The following VPS37B variants were observed in gnomAD, a reference collection of about 807,000 sequenced individuals.
VPS37B encodes the protein VPS37B subunit of ESCRT-I.
A neutral mutation model predicts 21.2 loss-of-function variants in VPS37B; 11 were observed. The observed-to-expected ratio is 0.52, with a 90% CI of 0.33 to 0.86. The LOEUF (loss-of-function observed/expected upper bound fraction) is 0.86. Ranked by LOEUF, VPS37B falls within the 40% of genes least tolerant of loss-of-function variation. The probability of loss-of-function intolerance (pLI) is 0.03; values close to 1 mark genes in which losing one functional copy is unlikely to be tolerated. For synonymous variants in VPS37B, 175 were observed against 159.6 expected (o/e 1.10, Z -0.73); for missense variants, 389 against 374.8 (o/e 1.04, Z -0.31).
At chr12:122,872,567 A>G (rs1305641181) in intron 1 of VPS37B, 1 of 985,448 alleles carries the variant, frequency 1.0e-6, no homozygotes, top group Middle Eastern at 5.2e-4. Flanking sequence ...GTTTCTGGTA[A>G]GCAGTGGGGC....
In VPS37B at chr12:122,868,943, C is replaced by T. The variant is rs79744583; in HGVS notation, c.284-381G>A. Among the ~76,000 whole-genome samples, 18 of 152,276 alleles carry T rather than the reference C, an allele frequency of 1.2e-4. No homozygotes were observed. In the East Asian group the frequency reaches 2.5e-3, roughly 21 times the overall value. On this transcript the variant is annotated intron_variant, in intron 2 of 3. Transcript: ENST00000267202. This position sits in a 1 kb window ranked among gnomAD's most constrained non-coding sequence, Gnocchi z 5.5. Reference sequence around the variant, plus strand: ...AGATCCAGACACAGAACCTTTCCACCGGGCGCCCTCACGCCCACTGCACCC... The same window carrying T: ...AGATCCAGACACAGAACCTTTCCACTGGGCGCCCTCACGCCCACTGCACCC...
At position 122,870,979 on chromosome 12, in the gene VPS37B, T is replaced by C; in HGVS notation, c.194A>G (p.Gln65Arg). 2 of 1,614,234 alleles carry C rather than the reference T, an allele frequency of 1.2e-6. No homozygotes were observed. The highest frequency in any genetic ancestry group is 1.7e-6 in the Non-Finnish European group (2 of 1,180,046). ...CAAGCGTGCTTTCAACGTGTCCAGC[T>C]GGGGCTGGTACAAAAGGTTTCCTTC... ...LAEGNLLYQP[Q>R]LDTLKARLTQ... is the part of the protein sequence containing the mutation. The change falls in exon 2 of 4, where the codon CAG becomes CGG. Residue 65 changes from glutamine to arginine, a missense_variant. Physicochemically the swap from Gln to Arg is conservative, Grantham distance 43 (BLOSUM62 1). Transcript: ENST00000267202.
intron 1 of VPS37B, among the ~76,000 whole-genome samples, chr12:122,894,981 C>T (rs1479275963): frequency 6.6e-6 from 1 of 152,156 alleles, no homozygotes. Flanking sequence ...AAATTTCCCA[C>T]CTTCCCTTCC....
chr12:122,894,319 GTTA>G (rs1165877686), intron 1 of VPS37B, among the ~76,000 whole-genome samples: 2 of 152,304 alleles, frequency 1.3e-5, no homozygotes, highest in Middle Eastern at 3.4e-3. Context: ...TTGGAGCAAC[GTTA>G]TTATGTGTCA....
intron 1 of VPS37B, among the ~76,000 whole-genome samples, chr12:122,894,690 G>C (rs1334683586): frequency 2.0e-5 from 3 of 152,196 alleles, no homozygotes; most frequent in African/African-American, 7.2e-5. Flanking sequence ...CAGACTTTCC[G>C]AGAATGAGTC....
At chr12:122,895,182 C>T (rs1235895753) in intron 1 of VPS37B, among the ~76,000 whole-genome samples, 1 of 152,034 alleles carries the variant, frequency 6.6e-6, no homozygotes, top group African/African-American at 2.4e-5. Flanking sequence ...CTCCTGCCTC[C>T]AAACCCTGGG....
At position 122,896,094 on chromosome 12, in the gene VPS37B, C is replaced by A; in HGVS notation, c.-32G>T. 6.5e-7 allele frequency: 1 copy of A among 1,539,762 alleles called. No homozygotes were observed. Among genetic ancestry groups the A allele is most frequent in the Non-Finnish European group, 8.7e-7 (1 of 1,151,430 alleles). ...GTCTCGGCCGTCGTCGCCACCGCCGCTGCGGCCACCAGGCTCCGCCGACCG... is the reference window on the plus strand; with the variant it reads ...GTCTCGGCCGTCGTCGCCACCGCCGATGCGGCCACCAGGCTCCGCCGACCG... On this transcript the variant is annotated 5_prime_UTR_variant, in exon 1 of 4. Coordinates refer to ENST00000267202, the MANE Select transcript of VPS37B (RefSeq NM_024667.3).
Position 122,871,018 on chromosome 12 carries a change from T to C in VPS37B, c.155A>G (p.Asn52Ser), listed in dbSNP as rs939946766. 1.9e-6 allele frequency: 3 copies of C among 1,614,178 alleles called. No homozygotes were observed. The highest frequency in any genetic ancestry group is 2.5e-6 in the Non-Finnish European group (3 of 1,180,026). The change falls in exon 2 of 4, where the codon AAC becomes AGC. Residue 52 changes from asparagine to serine, a missense_variant. Coordinates refer to ENST00000267202, the MANE Select transcript of VPS37B (RefSeq NM_024667.3). Reference sequence around the variant, plus strand: ...AAGGTTTCCTTCTGCCAGGCTCCGGTTGCTGGCAAGTGTCATTTCTTTGTT... The same window carrying C: ...AAGGTTTCCTTCTGCCAGGCTCCGGCTGCTGGCAAGTGTCATTTCTTTGTT... ...QLNKEMTLAS[N>S]RSLAEGNLLY...
At chr12:122,883,297 A>G (rs1003596630) in intron 1 of VPS37B, 1 of 152,212 alleles carries the variant, frequency 6.6e-6, no homozygotes, top group Non-Finnish European at 1.5e-5. Flanking sequence ...TCCCCTCCAT[A>G]TGTAGCTGAC....
chr12:122,872,215 G>A (rs1333493132), intron 1 of VPS37B: 8 of 985,258 alleles, frequency 8.1e-6, no homozygotes, highest in African/African-American at 1.7e-5. Context: ...GAGTGCACAC[G>A]CACCACACAC....
intron 1 of VPS37B, 196 bp from the exon 2 acceptor site, chr12:122,871,257 G>A (rs529971160): frequency 1.1e-5 from 15 of 1,355,648 alleles, no homozygotes; most frequent in East Asian, 8.3e-5. Context: ...GCTGCCCGTC[G>A]TAAAGAATGA....
At chr12:122,876,760 A>G (rs2034157086) in intron 1 of VPS37B, 1 of 152,094 alleles carries the variant, frequency 6.6e-6, no homozygotes, top group Admixed American at 6.6e-5. Flanking sequence ...TGCACATGTC[A>G]TTATTTCTTT....
intron 1 of VPS37B, chr12:122,871,476 G>T (rs183368152): frequency 1.0e-6 from 1 of 989,428 alleles, no homozygotes; most frequent in East Asian, 1.1e-4. Context: ...CTTATCAGCA[G>T]GAGACCAGTT....
chr12:122,893,866 C>T (rs1205439417), intron 1 of VPS37B, among the ~76,000 whole-genome samples: 1 of 149,584 alleles, frequency 6.7e-6, no homozygotes, highest in African/African-American at 2.4e-5. Context: ...GATGAATTTA[C>T]CTTTCTCTTT....
Position 122,866,897 on chromosome 12 carries a change from G to A in VPS37B, c.*219C>T, listed in dbSNP as rs1461398215. 2 of 473,476 alleles carry A rather than the reference G, an allele frequency of 4.2e-6. No homozygotes were observed. The highest frequency in any genetic ancestry group is 7.2e-6 in the Non-Finnish European group (2 of 277,940). 29.3% of individuals were successfully genotyped at this position (473,476 alleles called of 1,614,324 possible). ...CACGGATAATGCAAACCGATGCAAC[G>A]CACAGGTGTCAGGCTGTAACCCGGC... On this transcript the variant is annotated 3_prime_UTR_variant, in exon 4 of 4. Coordinates refer to ENST00000267202, the MANE Select transcript of VPS37B (RefSeq NM_024667.3).
chr12:122,872,771 T>C lies in VPS37B; in HGVS notation c.112-1710A>G, dbSNP rs1007414064. 5 of 853,454 alleles carry C rather than the reference T, an allele frequency of 5.9e-6. No homozygotes were observed. The African/African-American group carries it at 9.2e-5, about 16-fold the overall frequency. The allele number at this position is 853,454 out of a possible 1,614,324, so 52.9% of individuals were successfully genotyped here. A position where few individuals can be genotyped will look rare whatever the true frequency, so the allele number is the denominator to read the frequency against. ...CTACCCTATGACCCAGAAGTTGTAC[T>C]CTTGGGCATTTATATCAGAGAAATG... On this transcript the variant is annotated intron_variant, in intron 1 of 3. Transcript: ENST00000267202.
intron 1 of VPS37B, among the ~76,000 whole-genome samples, chr12:122,891,557 T>C (rs1385874712): frequency 6.6e-6 from 1 of 152,222 alleles, no homozygotes; most frequent in Admixed American, 6.5e-5. Context: ...TTTTTACTCA[T>C]GTAAAAGGTC....
In VPS37B at chr12:122,865,903, T is replaced by TG. The variant is rs1209528442; in HGVS notation, c.*1212dup. 6.6e-6 allele frequency: 1 copy of TG among 152,098 alleles called. No homozygotes were observed. The highest frequency in any genetic ancestry group is 1.5e-5 in the Non-Finnish European group (1 of 68,108). 9.4% of individuals were successfully genotyped at this position (152,098 alleles called of 1,614,324 possible). A position where few individuals can be genotyped will look rare whatever the true frequency, so the allele number is the denominator to read the frequency against. Reference sequence around the variant, plus strand: ...ACGTGAAGATGAGGTCCCACAGGGGTGGGGGAAGAGCAGGTGCAGACGGTT... The same window carrying TG: ...ACGTGAAGATGAGGTCCCACAGGGGTGGGGGGAAGAGCAGGTGCAGACGGTT... On this transcript the variant is annotated 3_prime_UTR_variant, in exon 4 of 4. Coordinates refer to ENST00000267202, the MANE Select transcript of VPS37B (RefSeq NM_024667.3).
Position 122,871,906 on chromosome 12 carries a change from G to C in VPS37B, c.112-845C>G. 6 of 985,210 alleles carry C rather than the reference G, an allele frequency of 6.1e-6. No individual in the cohort carries two copies. In the South Asian group the frequency reaches 2.8e-4, roughly 46 times the overall value. The allele number at this position is 985,210 out of a possible 1,614,324, so 61.0% of individuals were successfully genotyped here. On this transcript the variant is annotated intron_variant, in intron 1 of 3. Transcript: ENST00000267202. ...GTTCCCTTTTCACTCACTGGTGATC[G>C]GCTTCCTCTACCACAGCCCAGCCGC...
Sources: allele counts gnomAD v4.1 joint callset (sites outside exome capture counted in the v4.1 genomes callset), GRCh38; gene constraint gnomAD v4.1.1; non-coding constraint Gnocchi (gnomAD v3.1); transcripts MANE v1.5; gene names NCBI Gene and HGNC (gene_info 2026-07-23, HGNC 2026-07-21).